UGGT1: variants seen among roughly 807,000 people sequenced by gnomAD.
UGGT1 encodes UDP-glucose:glycoprotein glucosyltransferase 1.
UGGT1 carries 107 observed loss-of-function variants against 203.9 expected under a neutral mutation model. That is an observed-to-expected ratio of 0.52 (90% CI 0.45 to 0.62). The LOEUF (loss-of-function observed/expected upper bound fraction) is 0.62. Ranked by LOEUF, UGGT1 falls within the 20% of genes least tolerant of loss-of-function variation. UGGT1 has a pLI of 0.00. For missense variants in UGGT1, 1,673 were observed against 1,867.2 expected, an observed-to-expected ratio of 0.90 and a Z score of 1.92; for synonymous variants, 628 against 653.5, an observed-to-expected ratio of 0.96 and a Z score of 0.59.
chr2:128,153,589 A>T (rs1690084643), intron 19 of UGGT1, among the ~76,000 whole-genome samples: 1 of 152,192 alleles, frequency 6.6e-6, no homozygotes, highest in South Asian at 2.1e-4. Context: ...TATTCTAGAC[A>T]TTTCATATAA....
intron 2 of UGGT1, among the ~76,000 whole-genome samples, chr2:128,100,514 C>T (rs1428460282): frequency 1.3e-5 from 2 of 151,800 alleles, no homozygotes; most frequent in South Asian, 2.1e-4. Context: ...TCAAGCGATT[C>T]TCTTGCCTCA....
intron 1 of UGGT1, among the ~76,000 whole-genome samples, chr2:128,094,715 A>T (rs1036958436): frequency 7.5e-6 from 1 of 132,750 alleles, no homozygotes; most frequent in East Asian, 2.5e-4. Context: ...AAGGGTGTCT[A>T]TGGTTAGTCC....
intron 22 of UGGT1, among the ~76,000 whole-genome samples, chr2:128,158,566 T>C (rs1237431202): frequency 6.6e-6 from 1 of 152,274 alleles, no homozygotes; most frequent in African/African-American, 2.4e-5. Flanking sequence ...TTCTGTAGTA[T>C]TATATCATAT....
At chr2:128,146,023 G>C in intron 18 of UGGT1, 56 bp downstream of exon 18, 2 of 1,604,590 alleles carry the variant, frequency 1.2e-6, no homozygotes, top group South Asian at 1.1e-5. Flanking sequence ...TATATTTTTT[G>C]TTGCCTCTAT....
chr2:128,102,184 C>T (rs1472581009), intron 2 of UGGT1, among the ~76,000 whole-genome samples: 1 of 151,774 alleles, frequency 6.6e-6, no homozygotes, highest in Non-Finnish European at 1.5e-5. Context: ...CTCTTGTTGC[C>T]CAGGCTGGAG....
At chr2:128,103,819 A>C (rs941787163) in intron 2 of UGGT1, 113 bp from the exon 3 acceptor site, 3 of 609,614 alleles carry the variant, frequency 4.9e-6, no homozygotes, top group African/African-American at 3.9e-5. Context: ...TATAGATTAA[A>C]AGTCAAACTA....
rs1014854186 is a variant in UGGT1 at position 128,191,971 on chromosome 2, C to T, written c.*2229C>T. On this transcript the variant is annotated 3_prime_UTR_variant, in exon 41 of 41. Transcript: ENST00000259253. ...ACTGTGGGCGGAAGTGTGCCTTTTC[C>T]CAGTTTCTCGTCCAGGAGGTTGCAT... is the stretch of plus-strand genomic sequence containing the variant. 6.6e-6 allele frequency: 1 copy of T among 152,218 alleles called. No homozygotes were observed. Among genetic ancestry groups the T allele is most frequent in the Non-Finnish European group, 1.5e-5 (1 of 68,052 alleles). 9.4% of individuals were successfully genotyped at this position (152,218 alleles called of 1,614,324 possible). A position where few individuals can be genotyped will look rare whatever the true frequency, so the allele number is the denominator to read the frequency against.
rs1319267432 is a variant in UGGT1 at position 128,194,807 on chromosome 2, A to G, written c.*5065A>G. 1.3e-5 allele frequency: 2 copies of G among 152,190 alleles called. No individual in the cohort carries two copies. The highest frequency in any genetic ancestry group is 2.9e-5 in the Non-Finnish European group (2 of 68,034). The allele number at this position is 152,190 out of a possible 1,614,324, so 9.4% of individuals were successfully genotyped here. A position where few individuals can be genotyped will look rare whatever the true frequency, so the allele number is the denominator to read the frequency against. ...ATCATGAACTTCAGTGGTTATTGATATTTCAGGGTATATACCTGAAATGCC... is the reference window on the plus strand; with the variant it reads ...ATCATGAACTTCAGTGGTTATTGATGTTTCAGGGTATATACCTGAAATGCC... On this transcript the variant is annotated 3_prime_UTR_variant, in exon 41 of 41. Transcript: ENST00000259253.
intron 3 of UGGT1, among the ~76,000 whole-genome samples, chr2:128,107,029 G>A (rs1291541280): frequency 6.6e-6 from 1 of 152,108 alleles, no homozygotes; most frequent in Non-Finnish European, 1.5e-5. Flanking sequence ...ATGTGATTCC[G>A]AAGTCAAAGC....
At chr2:128,178,615 C>T (rs1691521509) in intron 34 of UGGT1, 46 bp downstream of exon 34, 2 of 1,534,504 alleles carry the variant, frequency 1.3e-6, no homozygotes, top group African/African-American at 1.4e-5. Flanking sequence ...ATGAATTGGT[C>T]AGTGTTCTTA....
chr2:128,109,143 C>T (rs775564661), intron 4 of UGGT1, among the ~76,000 whole-genome samples: 4 of 152,130 alleles, frequency 2.6e-5, no homozygotes, highest in Non-Finnish European at 5.9e-5. Flanking sequence ...CTGCCTGCCT[C>T]TGCCCCGCAA....
intron 6 of UGGT1, 47 bp from the exon 7 acceptor site, chr2:128,115,077 A>G: frequency 6.4e-7 from 1 of 1,564,648 alleles, no homozygotes; most frequent in South Asian, 1.1e-5. Context: ...ACACTGTGAC[A>G]TAGAAAGAGC....
intron 18 of UGGT1, among the ~76,000 whole-genome samples, chr2:128,150,838 G>T (rs1393370607): frequency 6.6e-6 from 1 of 151,820 alleles, no homozygotes; most frequent in African/African-American, 2.4e-5. Context: ...CAGCTTACTT[G>T]TTGCCAGATT....
At chr2:128,108,713 TCCTTGTAATTTTCA>T (rs1251072869) in intron 4 of UGGT1, among the ~76,000 whole-genome samples, 10 of 152,116 alleles carry the variant, frequency 6.6e-5, no homozygotes, top group African/African-American at 2.4e-4. Context: ...AATGTGAACA[TCCTTGTAATTTTCA>T]CCCAAGTCAA....
At chr2:128,170,469 T>G (rs1691038770) in intron 27 of UGGT1, 79 bp downstream of exon 27, 1 of 1,248,490 alleles carries the variant, frequency 8.0e-7, no homozygotes, top group Non-Finnish European at 1.2e-6. Flanking sequence ...AGAGCTTCGT[T>G]TTCCTTGAGT....
intron 18 of UGGT1, among the ~76,000 whole-genome samples, chr2:128,150,716 T>C (rs1689918673): frequency 6.7e-6 from 1 of 149,148 alleles, no homozygotes; most frequent in African/African-American, 2.5e-5. Flanking sequence ...TACAACAGGC[T>C]TCAGGACAAC....
At chr2:128,093,458 A>G (rs1211027795) in intron 1 of UGGT1, among the ~76,000 whole-genome samples, 1 of 152,202 alleles carries the variant, frequency 6.6e-6, no homozygotes, top group Non-Finnish European at 1.5e-5. Context: ...AGGAGCTCCC[A>G]TCGGTCCCCA....
intron 1 of UGGT1, among the ~76,000 whole-genome samples, chr2:128,097,224 A>G (rs758143441): frequency 6.2e-4 from 94 of 152,148 alleles, no homozygotes; most frequent in Non-Finnish European, 1.8e-4. Context: ...AAGATACACA[A>G]AATTAGCAGG....
chr2:128,134,968 C>T lies in UGGT1; in HGVS notation c.1583+7C>T, dbSNP rs538813756. On this transcript the variant is annotated splice_region_variant and intron_variant, in intron 15 of 40. Transcript: ENST00000259253. ...GTAATCATATACCACTAAGGTAACA[C>T]TGGTATTGATTTGATGATGTATCTA... is the stretch of plus-strand genomic sequence containing the variant. 33 of 1,606,794 alleles carry T rather than the reference C, an allele frequency of 2.1e-5. 1 individual carries two copies. The South Asian group carries it at 3.4e-4, about 17-fold the overall frequency.
Sources: gnomAD v4.1 joint callset for allele counts (sites outside exome capture counted in the v4.1 genomes callset) on GRCh38, gnomAD v4.1.1 for gene constraint, MANE v1.5 for transcripts, NCBI Gene and HGNC (gene_info 2026-07-23, HGNC 2026-07-21) for gene names.